Variants in AGAP1 observed in about 807,000 individuals in gnomAD.
The protein encoded by AGAP1 is ArfGAP with GTPase domain, ankyrin repeat and PH domain 1.
In AGAP1, 29 loss-of-function variants were observed where a neutral mutation model predicts 105.3. The ratio of observed to expected loss-of-function variants is 0.28; its 90% confidence interval spans 0.21 to 0.38. The LOEUF (loss-of-function observed/expected upper bound fraction) is 0.38, where lower values mean the gene tolerates loss of function less well. AGAP1 is among the 10% of genes least tolerant of loss of function. AGAP1 has a pLI of 1.00. For missense variants in AGAP1, 998 were observed against 1,165.1 expected (o/e 0.86, Z 2.09); for synonymous variants, 509 against 485.9 (o/e 1.05, Z -0.63).
rs565939564 is a variant in AGAP1, at chr2:235,501,343, A to G, written c.163+6494A>G. ...TTCGGAGATTGTTGCTTTTTAATGT[A>G]GTCTTATGTATATTTAGATTGGGTT... On this transcript the variant is annotated intron_variant, in intron 1 of 17. Transcript: ENST00000304032. 1.1e-4 allele frequency among the ~76,000 whole-genome samples: 17 copies of G among 152,230 alleles called. No homozygotes were observed. The East Asian group carries it at 3.3e-3, about 29-fold the overall frequency.
intron 3 of AGAP1, among the ~76,000 whole-genome samples, chr2:235,738,480 A>G (rs1017066626): frequency 3.9e-5 from 6 of 152,040 alleles, no homozygotes; most frequent in Admixed American, 1.3e-4. Context: ...CACACAGAAC[A>G]GGGTATGAAG....
Position 235,843,736 on chromosome 2 carries a change from C to T in AGAP1, c.1050+36405C>T, listed in dbSNP as rs114295328. 7.1e-3 allele frequency among the ~76,000 whole-genome samples: 1,078 copies of T among 152,290 alleles called. 11 individuals are homozygous for T. Among genetic ancestry groups the T allele is most frequent in the African/African-American group, 0.024 (989 of 41,552 alleles). The stretch of plus-strand genomic sequence containing the variant: ...TTTTTCATCTCATCAGCCTAGCTCC[C>T]GGCAGGACCTCCCCACTGGACTTTT... On this transcript the variant is annotated intron_variant, in intron 9 of 17. Transcript: ENST00000304032. The surrounding 1 kb of genome is among the most constrained non-coding windows in gnomAD (Gnocchi z 5.9).
chr2:235,715,343 T>G (rs1329129069), intron 2 of AGAP1, among the ~76,000 whole-genome samples: 1 of 152,124 alleles, frequency 6.6e-6, no homozygotes. Context: ...ATCTTGGCCC[T>G]CGGGGTCCTA....
At position 236,119,291 on chromosome 2, in the gene AGAP1, C is replaced by G. The variant is rs1314997824; in HGVS notation, c.2115-901C>G. On this transcript the variant is annotated intron_variant, in intron 16 of 17. Coordinates refer to ENST00000304032, the MANE Select transcript of AGAP1 (RefSeq NM_001037131.3). This position sits in a 1 kb window ranked among gnomAD's most constrained non-coding sequence, Gnocchi z 6.6. The stretch of plus-strand genomic sequence containing the variant: ...GCTTCTGGGAGCTACCTGCCTGTTT[C>G]CCAGGCCCTGGAACAGTTTCCCCCA... Among the ~76,000 whole-genome samples the G allele has an allele frequency of 1.3e-5, 2 of 152,182 alleles. No individual in the cohort carries two copies. Among genetic ancestry groups the G allele is most frequent in the Non-Finnish European group, 2.9e-5 (2 of 68,042 alleles).
At chr2:235,649,170 G>A (rs1027834252) in intron 1 of AGAP1, among the ~76,000 whole-genome samples, 20 of 152,158 alleles carry the variant, frequency 1.3e-4, no homozygotes, top group African/African-American at 4.8e-4. Context: ...GGTAAGTGAA[G>A]TCACTGAGTG....
At chr2:235,726,584 C>T (rs1951658878) in intron 3 of AGAP1, among the ~76,000 whole-genome samples, 1 of 152,196 alleles carries the variant, frequency 6.6e-6, no homozygotes. Flanking sequence ...TTCACTGCTC[C>T]TCCCGTCTGC....
At chr2:235,800,864 C>G (rs1010417943) in intron 8 of AGAP1, among the ~76,000 whole-genome samples, 7 of 152,132 alleles carry the variant, frequency 4.6e-5, no homozygotes, top group African/African-American at 1.7e-4. Flanking sequence ...TTAGTGGTGC[C>G]CTGTTTTAAA....
intron 10 of AGAP1, among the ~76,000 whole-genome samples, chr2:235,890,941 T>TA (rs1317795274): frequency 1.8e-5 from 1 of 56,824 alleles, no homozygotes; most frequent in Non-Finnish European, 4.0e-5. Context: ...AAACTGAGGC[T>TA]CAAAAAAAAA....
At chr2:235,826,641 G>A (rs1959087333) in intron 9 of AGAP1, among the ~76,000 whole-genome samples, 1 of 152,042 alleles carries the variant, frequency 6.6e-6, no homozygotes, top group South Asian at 2.1e-4. Flanking sequence ...GTAGAGACGG[G>A]GTTTTACCAT....
rs534836409 is a variant in AGAP1, at chr2:235,608,623, G to A, written c.164-100556G>A. 9.8e-5 allele frequency among the ~76,000 whole-genome samples: 15 copies of A among 152,342 alleles called. No individual in the cohort carries two copies. Among genetic ancestry groups the A allele is most frequent in the Admixed American group, 9.1e-4 (14 of 15,304 alleles). On this transcript the variant is annotated intron_variant, in intron 1 of 17. Coordinates refer to ENST00000304032, the MANE Select transcript of AGAP1 (RefSeq NM_001037131.3). The surrounding 1 kb of genome is among the most constrained non-coding windows in gnomAD (Gnocchi z 5.4). ...CCAGAGTGTCTGGGGGACGCATCCA[G>A]GGTCCCAGGCCCAGAAAACAGTGGA...
At chr2:235,735,498 A>T (rs548418028) in intron 3 of AGAP1, among the ~76,000 whole-genome samples, 1 of 152,256 alleles carries the variant, frequency 6.6e-6, no homozygotes, top group South Asian at 2.1e-4. Context: ...AGCACCCCAA[A>T]TTTAAAACTG....
Position 235,864,468 on chromosome 2 carries a change from G to A in AGAP1, c.1051-18877G>A, listed in dbSNP as rs1334609044. 6.6e-6 allele frequency among the ~76,000 whole-genome samples: 1 copy of A among 152,234 alleles called. No homozygotes were observed. The highest frequency in any genetic ancestry group is 1.5e-5 in the Non-Finnish European group (1 of 68,040). On this transcript the variant is annotated intron_variant, in intron 9 of 17. Coordinates refer to ENST00000304032, the MANE Select transcript of AGAP1 (RefSeq NM_001037131.3). The surrounding 1 kb of genome is among the most constrained non-coding windows in gnomAD (Gnocchi z 5.0). ...TCTGGCCTCCAGGGCGGTCTGGGTG[G>A]GAGGAGGAGGTGGGCGGCCGGAAGG...
At chr2:235,676,864 G>A (rs1266118064) in intron 1 of AGAP1, among the ~76,000 whole-genome samples, 1 of 152,202 alleles carries the variant, frequency 6.6e-6, no homozygotes, top group Non-Finnish European at 1.5e-5. Flanking sequence ...GAGATAAAGT[G>A]CATACAGCTG....
At chr2:236,086,986 T>C (rs1355087096) in intron 16 of AGAP1, among the ~76,000 whole-genome samples, 1 of 151,800 alleles carries the variant, frequency 6.6e-6, no homozygotes, top group Admixed American at 6.6e-5. Context: ...GAAAAAAGTT[T>C]TGGCAAACAC....
At chr2:235,543,123 G>A (rs1279300681) in intron 1 of AGAP1, among the ~76,000 whole-genome samples, 2 of 13,884 alleles carry the variant, frequency 1.4e-4, no homozygotes, top group African/African-American at 6.3e-4. Flanking sequence ...CCTGCCCCTC[G>A]TTGGGTGTTG....
intron 13 of AGAP1, among the ~76,000 whole-genome samples, chr2:235,990,718 G>A (rs1382390115): frequency 6.6e-6 from 1 of 152,210 alleles, no homozygotes; most frequent in Non-Finnish European, 1.5e-5. Flanking sequence ...CCCACTTAGG[G>A]TCTAGGGTAG....
intron 9 of AGAP1, among the ~76,000 whole-genome samples, chr2:235,821,995 G>T (rs756297115): frequency 2.6e-5 from 4 of 152,188 alleles, no homozygotes; most frequent in South Asian, 2.1e-4. Flanking sequence ...ACCCTTCCTG[G>T]TGCTCTGTAC....
Position 235,655,390 on chromosome 2 carries a change from A to G in AGAP1, c.164-53789A>G, listed in dbSNP as rs377744647. ...AGTGATGTGGCCTGAATTCCTTTCTAGGTAATTTCAATGTTGGTCATGCCC... is the reference window on the plus strand; with the variant it reads ...AGTGATGTGGCCTGAATTCCTTTCTGGGTAATTTCAATGTTGGTCATGCCC... On this transcript the variant is annotated intron_variant, in intron 1 of 17. Transcript: ENST00000304032. This position sits in a 1 kb window ranked among gnomAD's most constrained non-coding sequence, Gnocchi z 4.3. Among the ~76,000 whole-genome samples, 5 of 152,324 alleles carry G rather than the reference A, an allele frequency of 3.3e-5. No individual in the cohort carries two copies. Among genetic ancestry groups the G allele is most frequent in the African/African-American group, 1.2e-4 (5 of 41,576 alleles).
rs116784879 is a variant in AGAP1 at position 235,815,907 on chromosome 2, C to A, written c.1050+8576C>A. ...CCTTTCAGTCCCGTCCATGGGAGAC[C>A]TCCTTCAGGCTGGTTTTGAAAACCA... On this transcript the variant is annotated intron_variant, in intron 9 of 17. Coordinates refer to ENST00000304032, the MANE Select transcript of AGAP1 (RefSeq NM_001037131.3). Among the ~76,000 whole-genome samples, 1,245 of 152,316 alleles carry A rather than the reference C, an allele frequency of 8.2e-3. 12 individuals are homozygous for A. The highest frequency in any genetic ancestry group is 0.013 in the Non-Finnish European group (859 of 68,040).
Sources: allele counts gnomAD v4.1 joint callset (sites outside exome capture counted in the v4.1 genomes callset), GRCh38; gene constraint gnomAD v4.1.1; non-coding constraint Gnocchi (gnomAD v3.1); transcripts MANE v1.5; gene names NCBI Gene and HGNC (gene_info 2026-07-23, HGNC 2026-07-21).